CNOT10: variants seen among roughly 807,000 people sequenced by gnomAD.
The protein encoded by CNOT10 is CCR4-NOT transcription complex subunit 10, also known as CCR4-NOT transcription complex, subunit 10.
Under a neutral mutation model 94.6 loss-of-function variants are expected in CNOT10, and 30 were observed. That is an observed-to-expected ratio of 0.32 (90% confidence interval 0.24 to 0.43). The LOEUF (loss-of-function observed/expected upper bound fraction) is 0.43, where lower values mean the gene tolerates loss of function less well. Ranked by LOEUF, CNOT10 falls within the 20% of genes least tolerant of loss-of-function variation. The probability of loss-of-function intolerance (pLI) is 1.00; values close to 1 mark genes in which losing one functional copy is unlikely to be tolerated. For missense variants in CNOT10, 759 were observed against 877.2 expected (o/e 0.87, Z 1.70); for synonymous variants, 289 against 301.6 (o/e 0.96, Z 0.43).
chr3:32,687,465 T>TTTTTTTTTTTTTTTTTTTTTG (rs1361507074), intron 1 of CNOT10, among the ~76,000 whole-genome samples: 1 of 123,676 alleles, frequency 8.1e-6, no homozygotes, highest in Non-Finnish European at 1.7e-5. Context: ...TTTTTTTTTT[T>TTTTTTTTTTTTTTTTTTTTTG]TTTTGAGACG....
chr3:32,767,222 G>A (rs1575315064), intron 17 of CNOT10, among the ~76,000 whole-genome samples: 1 of 152,138 alleles, frequency 6.6e-6, no homozygotes, highest in Non-Finnish European at 1.5e-5. Context: ...CTTCTCAGGA[G>A]ATAGGGTGGC....
At chr3:32,723,349 G>A (rs769240086) in intron 8 of CNOT10, among the ~76,000 whole-genome samples, 2 of 150,008 alleles carry the variant, frequency 1.3e-5, no homozygotes, top group African/African-American at 2.5e-5. Context: ...CTGAAATTGC[G>A]CCACTGCACT....
intron 1 of CNOT10, among the ~76,000 whole-genome samples, chr3:32,693,890 A>G (rs1278562668): frequency 6.6e-6 from 1 of 152,158 alleles, no homozygotes; most frequent in Non-Finnish European, 1.5e-5. Flanking sequence ...TTGACTGAAT[A>G]TTGATTTATA....
intron 12 of CNOT10, among the ~76,000 whole-genome samples, chr3:32,735,573 G>A (rs992208506): frequency 1.3e-5 from 2 of 151,702 alleles, no homozygotes; most frequent in Admixed American, 6.6e-5. Flanking sequence ...TGGGCGTGGT[G>A]GTGGGCACCT....
At chr3:32,690,839 G>A (rs868633976) in intron 1 of CNOT10, among the ~76,000 whole-genome samples, 32 of 151,848 alleles carry the variant, frequency 2.1e-4, no homozygotes, top group Non-Finnish European at 2.6e-4. Flanking sequence ...GAGCCACCGC[G>A]CCCAGACTTA....
intron 12 of CNOT10, among the ~76,000 whole-genome samples, chr3:32,736,394 C>A (rs1699190603): frequency 6.6e-6 from 1 of 152,016 alleles, no homozygotes; most frequent in South Asian, 2.1e-4. Context: ...GCTGGAAATT[C>A]TGCTTTTTAT....
intron 15 of CNOT10, chr3:32,764,130 A>G (rs1235886821): frequency 2.5e-5 from 6 of 237,398 alleles, no homozygotes; most frequent in Admixed American, 5.6e-5. Flanking sequence ...TCCATCTCCA[A>G]AAAAAAAACC....
intron 13 of CNOT10, among the ~76,000 whole-genome samples, chr3:32,759,157 T>A (rs981326503): frequency 7.3e-4 from 110 of 150,640 alleles, no homozygotes; most frequent in Admixed American, 1.8e-3. Context: ...GTGTGTGTAT[T>A]TATCTATACA....
chr3:32,698,436 G>A (rs1697179971), intron 1 of CNOT10, among the ~76,000 whole-genome samples: 2 of 152,040 alleles, frequency 1.3e-5, no homozygotes, highest in African/African-American at 2.4e-5. Context: ...TCTTCTGGGG[G>A]TTTCGTAGTG....
At chr3:32,711,388 C>T (rs772649288) in intron 4 of CNOT10, among the ~76,000 whole-genome samples, 1 of 152,022 alleles carries the variant, frequency 6.6e-6, no homozygotes, top group Admixed American at 6.6e-5. Context: ...GTTTTTATAC[C>T]ATATTGTTTA....
intron 13 of CNOT10, chr3:32,753,292 A>C (rs140934196): frequency 5.6e-6 from 5 of 891,594 alleles, no homozygotes; most frequent in African/African-American, 1.6e-5. Context: ...AGAATGGCCC[A>C]GAATCTGATG....
At chr3:32,708,602 T>G (rs1394589782) in intron 3 of CNOT10, 68 bp from the exon 4 acceptor site, 1 of 1,357,790 alleles carries the variant, frequency 7.4e-7, no homozygotes. Flanking sequence ...TTTATTCATA[T>G]GAATTCTTTC....
chr3:32,755,071 A>T (rs1402867659), intron 13 of CNOT10, among the ~76,000 whole-genome samples: 1 of 150,128 alleles, frequency 6.7e-6, no homozygotes, highest in Non-Finnish European at 1.5e-5. Flanking sequence ...ATATGGTGAA[A>T]CCTCATCTCT....
intron 13 of CNOT10, among the ~76,000 whole-genome samples, chr3:32,740,304 C>A (rs66488722): frequency 0.41 from 62,577 of 151,646 alleles, 15,389 homozygotes; most frequent in Non-Finnish European, 0.53. Flanking sequence ...ACTAAAAATA[C>A]AAAAATTAGC....
chr3:32,699,361 T>A (rs544873349), intron 1 of CNOT10, among the ~76,000 whole-genome samples: 2 of 152,382 alleles, frequency 1.3e-5, no homozygotes, highest in South Asian at 4.1e-4. Flanking sequence ...GCCATTGTAT[T>A]CCTATACCAT....
intron 1 of CNOT10, among the ~76,000 whole-genome samples, chr3:32,690,703 T>C (rs1213354714): frequency 1.3e-5 from 2 of 151,786 alleles, no homozygotes; most frequent in Non-Finnish European, 2.9e-5. Flanking sequence ...CATGCCACCA[T>C]GCCCGGCTAG....
chr3:32,770,455 A>G (rs1700853702), intron 18 of CNOT10, among the ~76,000 whole-genome samples: 1 of 145,304 alleles, frequency 6.9e-6, no homozygotes, highest in Admixed American at 7.1e-5. Flanking sequence ...CCTCCTGAGT[A>G]GCTAGGACTA....
At chr3:32,757,274 G>A (rs906861847) in intron 13 of CNOT10, among the ~76,000 whole-genome samples, 4 of 125,386 alleles carry the variant, frequency 3.2e-5, no homozygotes, top group African/African-American at 1.2e-4. Flanking sequence ...CCACCTTCCA[G>A]GTTCAAGCGA....
intron 8 of CNOT10, among the ~76,000 whole-genome samples, chr3:32,720,909 TCC>T (rs1698361082): frequency 7.3e-6 from 1 of 136,334 alleles, no homozygotes; most frequent in East Asian, 2.4e-4. Flanking sequence ...CTTCCTTCCT[TCC>T]TTCCTTCCTT....
Sources: allele counts gnomAD v4.1 joint callset (sites outside exome capture counted in the v4.1 genomes callset), GRCh38; gene constraint gnomAD v4.1.1; transcripts MANE v1.5; gene names NCBI Gene and HGNC (gene_info 2026-07-23, HGNC 2026-07-21).